Variants in MAPK10 observed in about 807,000 individuals in gnomAD.
The protein encoded by MAPK10 is JNK3 alpha protein kinase.
In MAPK10, 25 loss-of-function variants were observed where a neutral mutation model predicts 59.3. That is an observed-to-expected ratio of 0.42 (90% CI 0.31 to 0.59). The LOEUF (loss-of-function observed/expected upper bound fraction) is 0.59, where lower values mean the gene tolerates loss of function less well. MAPK10 is among the 20% of genes least tolerant of loss of function. The pLI, the probability that MAPK10 is intolerant of heterozygous loss-of-function variation, is 0.15. For missense variants in MAPK10, 351 were observed against 568.9 expected, an observed-to-expected ratio of 0.62 and a Z score of 3.90; for synonymous variants, 190 against 200.5, an observed-to-expected ratio of 0.95 and a Z score of 0.44.
intron 9 of MAPK10, among the ~76,000 whole-genome samples, chr4:86,070,426 A>G (rs1418580581): frequency 6.7e-6 from 1 of 148,208 alleles, no homozygotes; most frequent in African/African-American, 2.5e-5. Context: ...GTTTTAGGGT[A>G]CATGTGCACA....
intron 1 of MAPK10, among the ~76,000 whole-genome samples, chr4:86,440,932 G>C (rs1749339862): frequency 1.3e-5 from 2 of 152,026 alleles, no homozygotes; most frequent in Non-Finnish European, 2.9e-5. Flanking sequence ...AACAAGTATT[G>C]CTTTAGTAAT....
At chr4:86,360,704 G>A (rs1485624728), upstream of MAPK10, among the ~76,000 whole-genome samples, 1 of 151,920 alleles carries the variant, frequency 6.6e-6, no homozygotes, top group Non-Finnish European at 1.5e-5. Flanking sequence ...CTAGAGAACT[G>A]ATGAAAATTG....
intron 4 of MAPK10, among the ~76,000 whole-genome samples, chr4:86,109,655 T>C (rs1364723002): frequency 6.6e-6 from 1 of 152,228 alleles, no homozygotes; most frequent in Non-Finnish European, 1.5e-5. Context: ...TTTGGGTTGA[T>C]TCCATGTCTT....
intron 2 of MAPK10, chr4:86,277,218 G>A (rs1032875412): frequency 2.0e-5 from 3 of 151,516 alleles, no homozygotes; most frequent in African/African-American, 4.9e-5. Context: ...AGCAACCTCC[G>A]ACTCCCTGGT....
chr4:86,167,256 C>G (rs1239806038), intron 3 of MAPK10, among the ~76,000 whole-genome samples: 1 of 152,124 alleles, frequency 6.6e-6, no homozygotes, highest in Non-Finnish European at 1.5e-5. Flanking sequence ...AGCCCAGGAC[C>G]AGACAGATTC....
intron 3 of MAPK10, among the ~76,000 whole-genome samples, chr4:86,178,931 G>A (rs1348254245): frequency 1.3e-5 from 2 of 152,104 alleles, no homozygotes; most frequent in Non-Finnish European, 2.9e-5. Flanking sequence ...TGCTGGGTGT[G>A]GTGGCTCATG....
intron 11 of MAPK10, among the ~76,000 whole-genome samples, chr4:86,045,990 T>C (rs1163833839): frequency 1.3e-5 from 2 of 151,824 alleles, no homozygotes; most frequent in Non-Finnish European, 2.9e-5. Flanking sequence ...ATTTACTTAT[T>C]TATCTTCTCA....
intron 1 of MAPK10, among the ~76,000 whole-genome samples, chr4:86,487,110 G>C (rs1754053557): frequency 6.6e-6 from 1 of 152,134 alleles, no homozygotes; most frequent in Non-Finnish European, 1.5e-5. Flanking sequence ...TGCAATGCAG[G>C]ATCCTATGCT....
intron 2 of MAPK10, among the ~76,000 whole-genome samples, chr4:86,314,708 T>G (rs140123877): frequency 9.2e-5 from 14 of 152,306 alleles, no homozygotes; most frequent in African/African-American, 3.4e-4. Context: ...AAGTTGTTGT[T>G]GTTTTCTGAT....
intron 1 of MAPK10, among the ~76,000 whole-genome samples, chr4:86,483,039 C>A (rs78793213): frequency 0.051 from 7,745 of 152,276 alleles, 259 homozygotes; most frequent in African/African-American, 0.071. Context: ...CAATTCACTT[C>A]TTTGACTAAG....
chr4:86,317,446 A>G (rs1352319576), intron 2 of MAPK10, among the ~76,000 whole-genome samples: 1 of 152,174 alleles, frequency 6.6e-6, no homozygotes, highest in Non-Finnish European at 1.5e-5. Flanking sequence ...CTCACAATGA[A>G]GTCTTCTTCT....
chr4:86,080,509 A>G (rs2149029090), intron 9 of MAPK10: 1 of 152,110 alleles, frequency 6.6e-6, no homozygotes, highest in Non-Finnish European at 1.5e-5. Flanking sequence ...GGGAACCTCA[A>G]TTAAAAATAA....
chr4:86,103,101 G>GTGTGTGTT, intron 6 of MAPK10, 85 bp downstream of exon 6: 1 of 783,498 alleles, frequency 1.3e-6, no homozygotes, highest in Non-Finnish European at 2.3e-6. Flanking sequence ...GTGTGTGTGT[G>GTGTGTGTT]TGTGTGTGTG....
intron 9 of MAPK10, chr4:86,089,129 G>T: frequency 9.4e-7 from 1 of 1,060,884 alleles, no homozygotes. Context: ...AATACCATAA[G>T]CAGTACTGCA....
intron 2 of MAPK10, among the ~76,000 whole-genome samples, chr4:86,255,587 T>C (rs2093670853): frequency 6.6e-6 from 1 of 152,212 alleles, no homozygotes; most frequent in Non-Finnish European, 1.5e-5. Flanking sequence ...TACAATCTTA[T>C]TTTGAATGTT....
intron 1 of MAPK10, among the ~76,000 whole-genome samples, chr4:86,534,483 T>C (rs1455992909): frequency 6.6e-6 from 1 of 152,178 alleles, no homozygotes; most frequent in African/African-American, 2.4e-5. Context: ...AATAGTGATG[T>C]ACCAATGTTG....
At chr4:86,291,317 A>G (rs1018454995) in intron 2 of MAPK10, among the ~76,000 whole-genome samples, 1 of 152,218 alleles carries the variant, frequency 6.6e-6, no homozygotes, top group African/African-American at 2.4e-5. Flanking sequence ...ATACCAGTAC[A>G]GCACTTCAGA....
chr4:86,588,733 T>C lies in MAPK10; in HGVS notation c.-263+5177A>G, dbSNP rs145391154. Among the ~76,000 whole-genome samples the C allele has an allele frequency of 2.4e-4, 37 of 152,334 alleles. No individual in the cohort carries two copies. In the East Asian group the frequency reaches 4.8e-3, roughly 20 times the overall value. On this transcript the variant is annotated intron_variant, in intron 1 of 4. Coordinates refer to the MAPK10 transcript ENST00000502302. ...AATTGTACTTCCAAATGGAATAAAC[T>C]AACCTATGATCTTTCTATTACTTAC... is the stretch of plus-strand genomic sequence containing the variant.
At chr4:86,573,403 A>C (rs916059407) in intron 1 of MAPK10, among the ~76,000 whole-genome samples, 3 of 152,136 alleles carry the variant, frequency 2.0e-5, no homozygotes, top group Non-Finnish European at 4.4e-5. Flanking sequence ...CTTTGTTGGG[A>C]TCATTTAATT....
Sources: allele counts gnomAD v4.1 joint callset (sites outside exome capture counted in the v4.1 genomes callset), GRCh38; gene constraint gnomAD v4.1.1; transcripts MANE v1.5; gene names NCBI Gene and HGNC (gene_info 2026-07-23, HGNC 2026-07-21).